Variants in GPR107 observed in about 807,000 individuals in gnomAD.
GPR107 encodes the protein G protein-coupled receptor 107, also known as protein GPR107.
GPR107 carries 31 observed loss-of-function variants against 75.5 expected under a neutral mutation model. The observed-to-expected ratio is 0.41, with a 90% CI of 0.31 to 0.55. The LOEUF is 0.55. GPR107 is among the 20% of genes least tolerant of loss of function. The pLI is 0.26. For synonymous variants in GPR107, 267 were observed against 251.3 expected, an observed-to-expected ratio of 1.06 and a Z score of -0.59; for missense variants, 572 against 665.7, an observed-to-expected ratio of 0.86 and a Z score of 1.55.
In GPR107 at chr9:130,079,783, T is replaced by G; in HGVS notation, c.526+14T>G. On this transcript the variant is annotated intron_variant, in intron 5 of 17. Transcript: ENST00000347136. ...AGAAGACACAAGGTAAACCGTAAGGTGGAAACTGGCTTTCAGTTTTCACTA... is the reference window on the plus strand; with the variant it reads ...AGAAGACACAAGGTAAACCGTAAGGGGGAAACTGGCTTTCAGTTTTCACTA... 6.4e-7 allele frequency: 1 copy of G among 1,563,532 alleles called. No individual in the cohort carries two copies. Among genetic ancestry groups the G allele is most frequent in the South Asian group, 1.2e-5 (1 of 82,708 alleles).
At chr9:130,076,691 T>C (rs1007264648) in intron 3 of GPR107, among the ~76,000 whole-genome samples, 4 of 152,020 alleles carry the variant, frequency 2.6e-5, no homozygotes, top group African/African-American at 9.7e-5. Context: ...ATTTTTGTAT[T>C]TTTAGTAGAG....
In GPR107 at chr9:130,092,230, A is replaced by T; in HGVS notation, c.730-18A>T. On this transcript the variant is annotated intron_variant, in intron 8 of 17. Transcript: ENST00000347136. ...ATATGTTTCTGAAAAGTAAAAATTAATTTCATGCTGGTTTCAGATTGAGAT... is the reference window on the plus strand; with the variant it reads ...ATATGTTTCTGAAAAGTAAAAATTATTTTCATGCTGGTTTCAGATTGAGAT... 6.2e-7 allele frequency: 1 copy of T among 1,604,232 alleles called. No individual in the cohort carries two copies. Among genetic ancestry groups the T allele is most frequent in the Non-Finnish European group, 8.5e-7 (1 of 1,171,908 alleles).
At chr9:130,067,042 G>C (rs1156636743) in intron 1 of GPR107, among the ~76,000 whole-genome samples, 1 of 151,948 alleles carries the variant, frequency 6.6e-6, no homozygotes, top group Non-Finnish European at 1.5e-5. Context: ...AGCTGACTTG[G>C]ATGGAAGGAC....
At chr9:130,071,431 G>T (rs1426250089) in intron 1 of GPR107, among the ~76,000 whole-genome samples, 2 of 151,906 alleles carry the variant, frequency 1.3e-5, no homozygotes, top group African/African-American at 4.8e-5. Flanking sequence ...TGTGAAAATG[G>T]CTCTCATATC....
intron 1 of GPR107, among the ~76,000 whole-genome samples, chr9:130,072,104 G>C (rs376153085): frequency 6.7e-6 from 1 of 150,318 alleles, no homozygotes; most frequent in East Asian, 2.0e-4. Flanking sequence ...AAGTAGCTGG[G>C]ATTACAGGCA....
In GPR107 at chr9:130,136,249, A is replaced by G. The variant is rs1588091207; in HGVS notation, c.*1128A>G. 6.6e-6 allele frequency: 1 copy of G among 152,188 alleles called. No homozygotes were observed. The highest frequency in any genetic ancestry group is 1.5e-5 in the Non-Finnish European group (1 of 68,032). 9.4% of individuals were successfully genotyped at this position (152,188 alleles called of 1,614,324 possible). Reference sequence around the variant, plus strand: ...TAGGATGGCAAAATACTTCACAGAAACTCAATGATTAAGTTCCCTTCCACA... The same window carrying G: ...TAGGATGGCAAAATACTTCACAGAAGCTCAATGATTAAGTTCCCTTCCACA... On this transcript the variant is annotated 3_prime_UTR_variant, in exon 18 of 18. Transcript: ENST00000347136.
chr9:130,134,081 G>A (rs921070634), intron 17 of GPR107, among the ~76,000 whole-genome samples: 17 of 152,150 alleles, frequency 1.1e-4, no homozygotes, highest in African/African-American at 4.1e-4. Flanking sequence ...TTACTGATGA[G>A]GAAATTTCTT....
At chr9:130,116,347 A>G (rs888103436) in intron 14 of GPR107, among the ~76,000 whole-genome samples, 1 of 152,012 alleles carries the variant, frequency 6.6e-6, no homozygotes, top group Admixed American at 6.5e-5. Context: ...TTGAGAACCA[A>G]CTCTTCTCAA....
intron 13 of GPR107, among the ~76,000 whole-genome samples, chr9:130,105,619 G>A (rs1451074191): frequency 6.6e-6 from 1 of 151,820 alleles, no homozygotes; most frequent in Non-Finnish European, 1.5e-5. Flanking sequence ...CCTGGGGTTT[G>A]TCAGTTACTC....
rs1434891200 is a variant in GPR107, at chr9:130,137,928, A to T, written c.*2807A>T. ...CTCACTGTTTCTGCCTACGCAAAAT[A>T]TCCATGTTTCCTCTGAGAAATCTGT... On this transcript the variant is annotated 3_prime_UTR_variant, in exon 18 of 18. Coordinates refer to ENST00000347136, the MANE Select transcript of GPR107 (RefSeq NM_020960.5). 6.6e-6 allele frequency: 1 copy of T among 152,264 alleles called. No individual in the cohort carries two copies. The highest frequency in any genetic ancestry group is 1.5e-5 in the Non-Finnish European group (1 of 68,050). 9.4% of individuals were successfully genotyped at this position (152,264 alleles called of 1,614,324 possible). A position where few individuals can be genotyped will look rare whatever the true frequency, so the allele number is the denominator to read the frequency against.
chr9:130,127,349 A>C (rs1250952159), intron 15 of GPR107, 134 bp from the exon 16 acceptor site: 1 of 644,142 alleles, frequency 1.6e-6, no homozygotes, highest in Non-Finnish European at 2.8e-6. Context: ...ATTAATTCAC[A>C]CTGTAAGTGT....
chr9:130,071,190 A>C (rs1830201389), intron 1 of GPR107, among the ~76,000 whole-genome samples: 1 of 148,268 alleles, frequency 6.7e-6, no homozygotes, highest in Non-Finnish European at 1.5e-5. Context: ...ACAACTGGCT[A>C]ATTTTTTTTT....
At chr9:130,116,185 G>A (rs1831424960) in intron 14 of GPR107, among the ~76,000 whole-genome samples, 1 of 152,164 alleles carries the variant, frequency 6.6e-6, no homozygotes, top group African/African-American at 2.4e-5. Flanking sequence ...CCTTTAAAGT[G>A]TTGGGAATCT....
At chr9:130,079,493 T>C in intron 4 of GPR107, 137 bp from the exon 5 acceptor site, 2 of 618,562 alleles carry the variant, frequency 3.2e-6, no homozygotes, top group Non-Finnish European at 5.2e-6. Flanking sequence ...TTGGTATCTG[T>C]AGAATGTGGA....
At chr9:130,064,811 G>A (rs1830030841) in intron 1 of GPR107, among the ~76,000 whole-genome samples, 1 of 152,222 alleles carries the variant, frequency 6.6e-6, no homozygotes, top group Non-Finnish European at 1.5e-5. Flanking sequence ...AGAAGGCGAT[G>A]TGATGGTGGA....
At chr9:130,077,480 C>T (rs1179609136) in intron 4 of GPR107, 102 bp downstream of exon 4, 24 of 711,278 alleles carry the variant, frequency 3.4e-5, no homozygotes, top group Non-Finnish European at 5.2e-5. Flanking sequence ...TGCCAGAGAC[C>T]GTGCTGAGTG....
At chr9:130,075,610 A>C (rs755119568) in intron 1 of GPR107, 26 bp from the exon 2 acceptor site, 5 of 1,154,412 alleles carry the variant, frequency 4.3e-6, no homozygotes, top group East Asian at 2.3e-5. Flanking sequence ...CCATATGACT[A>C]ATTCCACCAC....
intron 1 of GPR107, among the ~76,000 whole-genome samples, chr9:130,054,741 T>C (rs1448513693): frequency 6.6e-6 from 1 of 152,190 alleles, no homozygotes; most frequent in Non-Finnish European, 1.5e-5. Context: ...AGAAAAGACC[T>C]CTAAGGCTGA....
chr9:130,078,015 A>C (rs1245496487), intron 4 of GPR107, among the ~76,000 whole-genome samples: 1 of 152,070 alleles, frequency 6.6e-6, no homozygotes, highest in Non-Finnish European at 1.5e-5. Flanking sequence ...AATACAAAAA[A>C]TTAGCCGGGC....
Sources: gnomAD v4.1 joint callset for allele counts (sites outside exome capture counted in the v4.1 genomes callset) on GRCh38, gnomAD v4.1.1 for gene constraint, MANE v1.5 for transcripts, NCBI Gene and HGNC (gene_info 2026-07-23, HGNC 2026-07-21) for gene names.